SHC3: variants seen among roughly 807,000 people sequenced by gnomAD.
SHC3 encodes the protein SHC adaptor protein 3, also known as SHC-transforming protein 3.
In SHC3, 15 loss-of-function variants were observed where a neutral mutation model predicts 60.4. The ratio of observed to expected loss-of-function variants is 0.25; its 90% CI spans 0.17 to 0.38. The LOEUF is 0.38. SHC3 is among the 10% of genes least tolerant of loss of function. The pLI is 1.00. For missense variants in SHC3, 677 were observed against 786.1 expected (o/e 0.86, Z 1.66); for synonymous variants, 294 against 325.9 (o/e 0.90, Z 1.05).
intron 2 of SHC3, among the ~76,000 whole-genome samples, chr9:89,106,824 A>G (rs1171269258): frequency 6.6e-6 from 1 of 152,196 alleles, no homozygotes; most frequent in East Asian, 1.9e-4. Flanking sequence ...GCTGGATCAG[A>G]CATTTCCACA....
intron 11 of SHC3, among the ~76,000 whole-genome samples, chr9:89,021,702 C>T (rs983399373): frequency 1.3e-5 from 2 of 152,204 alleles, no homozygotes; most frequent in Admixed American, 6.5e-5. Flanking sequence ...CAGCACCCCT[C>T]GGGGCCAGTA....
chr9:89,097,697 C>T lies in SHC3; in HGVS notation c.545+14859G>A, dbSNP rs574040137. On this transcript the variant is annotated intron_variant, in intron 2 of 11. Transcript: ENST00000375835. ...GTGCTGGGCCAGGAGCTCCCACAGG[C>T]CTTTTCTGAGGGCTGCCTGTCACCT... Among the ~76,000 whole-genome samples, 10 of 152,272 alleles carry T rather than the reference C, an allele frequency of 6.6e-5. No homozygotes were observed. The East Asian group carries it at 1.9e-3, about 29-fold the overall frequency.
chr9:89,151,545 C>T (rs562437816), intron 1 of SHC3, among the ~76,000 whole-genome samples: 3 of 152,228 alleles, frequency 2.0e-5, no homozygotes, highest in South Asian at 2.1e-4. Flanking sequence ...CTTCAGGCCT[C>T]TGTTGTTTGT....
At chr9:89,097,592 C>T (rs1387499418) in intron 2 of SHC3, among the ~76,000 whole-genome samples, 4 of 152,176 alleles carry the variant, frequency 2.6e-5, no homozygotes, top group African/African-American at 9.7e-5. Context: ...GTGCTCTTAG[C>T]AGCTTGCTTC....
At chr9:89,077,689 A>G in intron 3 of SHC3, 151 bp downstream of exon 3, 1 of 852,132 alleles carries the variant, frequency 1.2e-6, no homozygotes, top group Non-Finnish European at 1.9e-6. Context: ...GTGAGAGAGA[A>G]AGCAATCTAA....
chr9:89,152,367 C>T (rs902622171), intron 1 of SHC3, among the ~76,000 whole-genome samples: 3 of 152,220 alleles, frequency 2.0e-5, no homozygotes, highest in Non-Finnish European at 2.9e-5. Context: ...AATCAATTTA[C>T]AGGACCATTT....
rs1049266482 is a variant in SHC3, at chr9:89,006,644, C to T, written c.*6803G>A. On this transcript the variant is annotated 3_prime_UTR_variant, in exon 12 of 12. Coordinates refer to ENST00000375835, the MANE Select transcript of SHC3 (RefSeq NM_016848.6). Reference sequence around the variant, plus strand: ...TTAAAAAGTTATTATCTTATTATTACACATTAAATTTACATGGAGTTGTCT... The same window carrying T: ...TTAAAAAGTTATTATCTTATTATTATACATTAAATTTACATGGAGTTGTCT... The T allele has an allele frequency of 6.6e-6, 1 of 152,210 alleles. No individual in the cohort carries two copies. Among genetic ancestry groups the T allele is most frequent in the Non-Finnish European group, 1.5e-5 (1 of 68,040 alleles). 9.4% of individuals were successfully genotyped at this position (152,210 alleles called of 1,614,324 possible). A position where few individuals can be genotyped will look rare whatever the true frequency, so the allele number is the denominator to read the frequency against.
intron 11 of SHC3, among the ~76,000 whole-genome samples, chr9:89,029,163 T>A (rs1252957404): frequency 6.6e-6 from 1 of 151,788 alleles, no homozygotes; most frequent in Non-Finnish European, 1.5e-5. Flanking sequence ...CCAGAAGGTC[T>A]ACTCCCTCAA....
At position 89,010,219 on chromosome 9, in the gene SHC3, G is replaced by T. The variant is rs558281987; in HGVS notation, c.*3228C>A. ...GGCTGAGCGGACGCCCAGTCTTTGG[G>T]TGCTTCAAATATAAAAAACAGCAAC... On this transcript the variant is annotated 3_prime_UTR_variant, in exon 12 of 12. Transcript: ENST00000375835. 1 of 152,336 alleles carries T rather than the reference G, an allele frequency of 6.6e-6. No individual in the cohort carries two copies. Among genetic ancestry groups the T allele is most frequent in the African/African-American group, 2.4e-5 (1 of 41,584 alleles). 9.4% of individuals were successfully genotyped at this position (152,336 alleles called of 1,614,324 possible).
chr9:89,052,226 C>A, intron 6 of SHC3, 63 bp from the exon 7 acceptor site: 2 of 1,592,960 alleles, frequency 1.3e-6, no homozygotes, highest in Non-Finnish European at 8.6e-7. Flanking sequence ...GGCTCCTCTA[C>A]AAAGAGCCCT....
chr9:89,115,670 T>C (rs1030571505), intron 1 of SHC3, among the ~76,000 whole-genome samples: 9 of 152,166 alleles, frequency 5.9e-5, no homozygotes, highest in Admixed American at 5.2e-4. Context: ...CATGATGAAC[T>C]GCACAGTGCA....
In SHC3 at chr9:89,033,577, A is replaced by G. The variant is rs1242522756; in HGVS notation, c.1656+4416T>C. On this transcript the variant is annotated intron_variant, in intron 11 of 11. Coordinates refer to ENST00000375835, the MANE Select transcript of SHC3 (RefSeq NM_016848.6). ...CTCAACTCTTAACCTGTAAAAGCCC[A>G]GGCCAATCTTTGTGTTTGTTCATCA... is the stretch of plus-strand genomic sequence containing the variant. 5.3e-5 allele frequency among the ~76,000 whole-genome samples: 8 copies of G among 152,214 alleles called. No homozygotes were observed. The East Asian group carries it at 1.5e-3, about 29-fold the overall frequency.
intron 6 of SHC3, among the ~76,000 whole-genome samples, chr9:89,062,084 T>C (rs768599730): frequency 2.0e-5 from 3 of 152,222 alleles, no homozygotes. Flanking sequence ...ATGCCTTCTG[T>C]AGGCAGTCGT....
intron 2 of SHC3, among the ~76,000 whole-genome samples, chr9:89,111,501 T>G (rs756948620): frequency 4.6e-5 from 7 of 152,054 alleles, no homozygotes; most frequent in Non-Finnish European, 8.8e-5. Context: ...TACAAATATG[T>G]GGAGGTGGAT....
intron 2 of SHC3, chr9:89,109,334 G>GC: frequency 1.1e-6 from 1 of 879,668 alleles, no homozygotes; most frequent in Non-Finnish European, 1.4e-6. Flanking sequence ...AGTCTGGTTG[G>GC]CCCCTCCCTT....
At chr9:89,074,721 CAATT>C (rs1319145423) in intron 4 of SHC3, among the ~76,000 whole-genome samples, 95 of 130,306 alleles carry the variant, frequency 7.3e-4, no homozygotes, top group Non-Finnish European at 1.2e-3. Context: ...AAAAAATCAC[CAATT>C]AGACCATGAC....
At chr9:89,117,825 T>A (rs959971540) in intron 1 of SHC3, among the ~76,000 whole-genome samples, 8 of 152,178 alleles carry the variant, frequency 5.3e-5, no homozygotes, top group African/African-American at 1.4e-4. Context: ...TCGGAATGCA[T>A]TTGTCTACAT....
intron 11 of SHC3, among the ~76,000 whole-genome samples, chr9:89,030,247 A>G (rs1007914359): frequency 6.6e-6 from 1 of 152,222 alleles, no homozygotes; most frequent in African/African-American, 2.4e-5. Context: ...ATTAATAGGA[A>G]TAAAAGGAGA....
intron 1 of SHC3, among the ~76,000 whole-genome samples, chr9:89,136,017 C>T (rs1488447679): frequency 6.6e-6 from 1 of 152,106 alleles, no homozygotes; most frequent in Non-Finnish European, 1.5e-5. Flanking sequence ...ATTAATCTTC[C>T]AGATATCACA....
Sources: allele counts gnomAD v4.1 joint callset (sites outside exome capture counted in the v4.1 genomes callset), GRCh38; gene constraint gnomAD v4.1.1; transcripts MANE v1.5; gene names NCBI Gene and HGNC (gene_info 2026-07-23, HGNC 2026-07-21).